MAGI1: variants seen among roughly 807,000 people sequenced by gnomAD.
MAGI1 encodes the protein membrane-associated guanylate kinase, WW and PDZ domain-containing protein 1.
MAGI1 carries 58 observed loss-of-function variants against 139.9 expected under a neutral mutation model. The observed-to-expected ratio is 0.41, with a 90% CI of 0.34 to 0.52. MAGI1 has a LOEUF of 0.52. Among genes scored for constraint, MAGI1 ranks in the 20% least tolerant of loss-of-function variants. The pLI is 0.12. For synonymous variants in MAGI1, 812 were observed against 737.9 expected (o/e 1.10, Z -1.63); for missense variants, 1,874 against 1,901.6 (o/e 0.99, Z 0.27).
chr3:65,708,715 CG>C (rs1553694988), intron 1 of MAGI1, among the ~76,000 whole-genome samples: 140 of 151,796 alleles, frequency 9.2e-4, no homozygotes, highest in African/African-American at 3.0e-3. Context: ...AGAAAGAAAA[CG>C]GGGGAAGGAC....
intron 2 of MAGI1, among the ~76,000 whole-genome samples, chr3:65,540,699 T>A (rs1355853140): frequency 2.0e-5 from 3 of 152,228 alleles, no homozygotes; most frequent in Non-Finnish European, 4.4e-5. Context: ...TAATGATTCA[T>A]CAGAGTATGC....
intron 5 of MAGI1, among the ~76,000 whole-genome samples, chr3:65,465,736 T>C (rs906338010): frequency 2.6e-5 from 4 of 152,238 alleles, no homozygotes; most frequent in Admixed American, 1.3e-4. Context: ...AGCCAGCTTA[T>C]TGAATCTGTA....
At chr3:65,617,105 T>C (rs1326235122) in intron 2 of MAGI1, among the ~76,000 whole-genome samples, 1 of 152,224 alleles carries the variant, frequency 6.6e-6, no homozygotes, top group Non-Finnish European at 1.5e-5. Context: ...AAATTTAAAT[T>C]GCCTTGTAGA....
chr3:65,716,095 C>A (rs2032204996), intron 1 of MAGI1, among the ~76,000 whole-genome samples: 3 of 152,196 alleles, frequency 2.0e-5, no homozygotes, highest in Non-Finnish European at 4.4e-5. Flanking sequence ...ACCATTCGAG[C>A]CCCCTCAAAT....
intron 1 of MAGI1, among the ~76,000 whole-genome samples, chr3:65,791,729 T>G (rs1022666715): frequency 5.3e-5 from 8 of 152,212 alleles, no homozygotes; most frequent in Non-Finnish European, 8.8e-5. Context: ...CTGTTTTGTG[T>G]GTGTGTGTGT....
chr3:65,436,776 A>G (rs971692498), intron 10 of MAGI1, among the ~76,000 whole-genome samples: 10 of 152,002 alleles, frequency 6.6e-5, no homozygotes, highest in South Asian at 2.1e-4. Context: ...CCTTGTCACA[A>G]TGAGAGGTGG....
intron 4 of MAGI1, among the ~76,000 whole-genome samples, chr3:65,470,707 C>G (rs1191429491): frequency 6.6e-6 from 1 of 152,060 alleles, no homozygotes; most frequent in Non-Finnish European, 1.5e-5. Context: ...ATTTATTTTA[C>G]TTAAAAAGAA....
chr3:65,427,164 C>T (rs552259775), intron 12 of MAGI1, among the ~76,000 whole-genome samples: 1 of 151,950 alleles, frequency 6.6e-6, no homozygotes, highest in African/African-American at 2.4e-5. Context: ...ATACAAAAAT[C>T]AGCCGGGAGT....
intron 1 of MAGI1, among the ~76,000 whole-genome samples, chr3:65,921,649 A>G (rs937840310): frequency 2.6e-5 from 4 of 152,132 alleles, no homozygotes; most frequent in African/African-American, 9.7e-5. Flanking sequence ...CCATATTGGA[A>G]TAACCTCCAA....
rs559602171 is a variant in MAGI1, at chr3:65,650,894, TA to T, written c.314-28807del. Among the ~76,000 whole-genome samples the T allele has an allele frequency of 3.9e-5, 6 of 152,310 alleles. No homozygotes were observed. In the East Asian group the frequency reaches 1.2e-3, roughly 29 times the overall value. Reference sequence around the variant, plus strand: ...TACAGCAATGACTTTTGTACCAATGTAGAAAGTATTTAGTTATCAACGTGTA... The same window carrying T: ...TACAGCAATGACTTTTGTACCAATGTGAAAGTATTTAGTTATCAACGTGTA... On this transcript the variant is annotated intron_variant, in intron 1 of 22. Coordinates refer to ENST00000402939, the MANE Select transcript of MAGI1 (RefSeq NM_001033057.2).
chr3:65,719,548 C>CTT (rs60382042), intron 1 of MAGI1, among the ~76,000 whole-genome samples: 5 of 140,628 alleles, frequency 3.6e-5, no homozygotes, highest in African/African-American at 2.6e-5. Context: ...TACTCAACCT[C>CTT]TTTTTTTTTT....
chr3:65,587,027 C>T (rs1044929195), intron 2 of MAGI1, among the ~76,000 whole-genome samples: 3 of 152,134 alleles, frequency 2.0e-5, no homozygotes, highest in Non-Finnish European at 2.9e-5. Context: ...TGAATTACCC[C>T]GAGATCCCTA....
chr3:65,367,120 G>T (rs769007763), intron 18 of MAGI1, among the ~76,000 whole-genome samples: 1 of 152,150 alleles, frequency 6.6e-6, no homozygotes, highest in Non-Finnish European at 1.5e-5. Flanking sequence ...GAGACTCTCA[G>T]AAATCACCAG....
At chr3:65,597,843 T>G in intron 2 of MAGI1, 1 of 453,598 alleles carries the variant, frequency 2.2e-6, no homozygotes, top group Non-Finnish European at 4.4e-6. Context: ...TCGCCAAGAT[T>G]AATCCTTCCC....
At chr3:65,847,789 T>C (rs939832685) in intron 1 of MAGI1, among the ~76,000 whole-genome samples, 12 of 152,224 alleles carry the variant, frequency 7.9e-5, no homozygotes, top group African/African-American at 2.9e-4. Flanking sequence ...TACTACGCTC[T>C]TCACTATTTT....
chr3:65,678,270 T>C (rs960990257), intron 1 of MAGI1, among the ~76,000 whole-genome samples: 1 of 151,960 alleles, frequency 6.6e-6, no homozygotes, highest in Non-Finnish European at 1.5e-5. Flanking sequence ...TGTATACCTA[T>C]GTAACAAACC....
chr3:65,614,689 A>C (rs898875256), intron 2 of MAGI1, among the ~76,000 whole-genome samples: 1 of 152,134 alleles, frequency 6.6e-6, no homozygotes, highest in Non-Finnish European at 1.5e-5. Flanking sequence ...GGTACAACTA[A>C]CCAAACAATA....
intron 2 of MAGI1, among the ~76,000 whole-genome samples, chr3:65,535,258 T>C (rs1345923879): frequency 3.3e-5 from 5 of 152,188 alleles, no homozygotes; most frequent in African/African-American, 1.2e-4. Context: ...GGTGCAGGAA[T>C]AGCTCTTCAA....
chr3:65,671,738 G>C (rs1197620515), intron 1 of MAGI1, among the ~76,000 whole-genome samples: 1 of 152,076 alleles, frequency 6.6e-6, no homozygotes, highest in Non-Finnish European at 1.5e-5. Flanking sequence ...GGCAAAGCTA[G>C]ACTGTGTGTC....
Sources: allele counts gnomAD v4.1 joint callset (sites outside exome capture counted in the v4.1 genomes callset), GRCh38; gene constraint gnomAD v4.1.1; transcripts MANE v1.5; gene names NCBI Gene and HGNC (gene_info 2026-07-23, HGNC 2026-07-21).